The following ZHX3 variants were observed in gnomAD, a reference collection of about 807,000 sequenced individuals.
ZHX3 encodes zinc fingers and homeoboxes protein 3.
A neutral mutation model predicts 64.5 loss-of-function variants in ZHX3; 20 were observed. The observed-to-expected ratio is 0.31, with a 90% CI of 0.22 to 0.45. The LOEUF (loss-of-function observed/expected upper bound fraction) is 0.45. ZHX3 is among the 20% of genes least tolerant of loss of function. The probability of loss-of-function intolerance (pLI) is 1.00; values close to 1 mark genes in which losing one functional copy is unlikely to be tolerated. For synonymous variants in ZHX3, 423 were observed against 461.6 expected (o/e 0.92, Z 1.07); for missense variants, 1,041 against 1,195.8 (o/e 0.87, Z 1.91).
At chr20:41,222,810 T>C (rs2040030101) in intron 2 of ZHX3, among the ~76,000 whole-genome samples, 1 of 152,178 alleles carries the variant, frequency 6.6e-6, no homozygotes, top group South Asian at 2.1e-4. Context: ...ACATTTGTTT[T>C]GTTTTAATTG....
intron 1 of ZHX3, among the ~76,000 whole-genome samples, chr20:41,291,691 TAA>T (rs2044250869): frequency 6.6e-6 from 1 of 152,010 alleles, no homozygotes; most frequent in African/African-American, 2.4e-5. Flanking sequence ...CACACAGATA[TAA>T]GTTTATATAT....
intron 1 of ZHX3, among the ~76,000 whole-genome samples, chr20:41,277,662 G>A (rs112949678): frequency 8.0e-5 from 12 of 150,800 alleles, no homozygotes; most frequent in African/African-American, 1.2e-4. Context: ...TGTGATCTCC[G>A]CTCACTGCAA....
At chr20:41,231,173 C>T (rs2146384636) in intron 2 of ZHX3, among the ~76,000 whole-genome samples, 1 of 152,166 alleles carries the variant, frequency 6.6e-6, no homozygotes. Context: ...ATTTAATCTC[C>T]CCCCATTGCT....
intron 2 of ZHX3, among the ~76,000 whole-genome samples, chr20:41,264,249 A>T (rs2042710595): frequency 6.6e-6 from 1 of 151,678 alleles, no homozygotes; most frequent in African/African-American, 2.4e-5. Flanking sequence ...TCTCCACTAA[A>T]ATACAAAAAA....
In ZHX3 at chr20:41,184,898, T is replaced by C. The variant is rs1344127316; in HGVS notation, c.*293A>G. ...TGTTAAAAGCTTGATTCTGTGTCTA[T>C]GAATATGACTATGAACTCTGAACTA... On this transcript the variant is annotated 3_prime_UTR_variant, in exon 4 of 4. Transcript: ENST00000683867. The C allele has an allele frequency of 7.2e-6, 11 of 1,524,368 alleles. No homozygotes were observed. The highest frequency in any genetic ancestry group is 4.8e-5 in the South Asian group (4 of 83,062). 94.4% of individuals were successfully genotyped at this position (1,524,368 alleles called of 1,614,324 possible).
At chr20:41,196,150 G>C (rs2037465860) in intron 3 of ZHX3, among the ~76,000 whole-genome samples, 1 of 149,162 alleles carries the variant, frequency 6.7e-6, no homozygotes, top group Non-Finnish European at 1.5e-5. Flanking sequence ...TTGATCTTCT[G>C]TCTGGTTTCT....
intron 2 of ZHX3, among the ~76,000 whole-genome samples, chr20:41,222,319 A>G (rs1013249497): frequency 1.3e-5 from 2 of 152,244 alleles, no homozygotes; most frequent in African/African-American, 2.4e-5. Flanking sequence ...CTAGAAGGAT[A>G]GTGTTGCCAT....
rs553681084 is a variant in ZHX3, at chr20:41,212,375, G to A, written c.-150-7309C>T. The stretch of plus-strand genomic sequence containing the variant: ...CAAGATGGCTGTAATTACAGCGACA[G>A]ATAACAAGTATAGATGAGGATGCAG... On this transcript the variant is annotated intron_variant, in intron 2 of 3. Coordinates refer to ENST00000683867, the MANE Select transcript of ZHX3 (RefSeq NM_001384317.1). This position sits in a 1 kb window ranked among gnomAD's most constrained non-coding sequence, Gnocchi z 4.3. 5.3e-5 allele frequency among the ~76,000 whole-genome samples: 8 copies of A among 152,198 alleles called. No individual in the cohort carries two copies. The South Asian group carries it at 1.7e-3, about 32-fold the overall frequency.
Position 41,182,071 on chromosome 20 carries a change from T to C in ZHX3, c.*3120A>G, listed in dbSNP as rs1412161866. On this transcript the variant is annotated 3_prime_UTR_variant, in exon 4 of 4. Coordinates refer to ENST00000683867, the MANE Select transcript of ZHX3 (RefSeq NM_001384317.1). The surrounding 1 kb of genome is among the most constrained non-coding windows in gnomAD (Gnocchi z 6.1). ...CCAAAATAAAAAAGCTCCTTTATAG[T>C]CAAAAACGAAAACAAGTAATCAAAA... 1 of 152,176 alleles carries C rather than the reference T, an allele frequency of 6.6e-6. No individual in the cohort carries two copies. Among genetic ancestry groups the C allele is most frequent in the Non-Finnish European group, 1.5e-5 (1 of 68,032 alleles). The allele number at this position is 152,176 out of a possible 1,614,324, so 9.4% of individuals were successfully genotyped here.
At chr20:41,274,512 A>G (rs1039528791) in intron 1 of ZHX3, among the ~76,000 whole-genome samples, 2 of 152,182 alleles carry the variant, frequency 1.3e-5, no homozygotes, top group Non-Finnish European at 2.9e-5. Context: ...ATTTTTGGCT[A>G]AAGTCTGTGA....
chr20:41,210,246 G>T (rs1050597117), intron 2 of ZHX3, among the ~76,000 whole-genome samples: 50 of 152,324 alleles, frequency 3.3e-4, no homozygotes, highest in Middle Eastern at 3.4e-3. Context: ...TACACTGTTG[G>T]TGGGACTGTA....
In ZHX3 at chr20:41,269,060, T is replaced by G. The variant is rs1490499438; in HGVS notation, c.-221A>C. On this transcript the variant is annotated 5_prime_UTR_variant, in exon 2 of 4. Transcript: ENST00000683867. ...CAAGCATCTCTAAAAGGTCACATGT[T>G]GCTTCTGCAGTTGCATTTCAGTCCT... The G allele has an allele frequency of 1.3e-5, 2 of 152,238 alleles. No homozygotes were observed. Among genetic ancestry groups the G allele is most frequent in the African/African-American group, 2.4e-5 (1 of 41,466 alleles). 9.4% of individuals were successfully genotyped at this position (152,238 alleles called of 1,614,324 possible). A position where few individuals can be genotyped will look rare whatever the true frequency, so the allele number is the denominator to read the frequency against.
At chr20:41,276,734 G>T (rs1013918256) in intron 1 of ZHX3, among the ~76,000 whole-genome samples, 1 of 152,168 alleles carries the variant, frequency 6.6e-6, no homozygotes. Flanking sequence ...TAACTGCAGG[G>T]CAAGTGCTTG....
At chr20:41,285,653 G>A (rs1046217989) in intron 1 of ZHX3, among the ~76,000 whole-genome samples, 3 of 152,028 alleles carry the variant, frequency 2.0e-5, no homozygotes, top group Non-Finnish European at 2.9e-5. Context: ...AAACTGGGTA[G>A]AAGAAGGGAG....
In ZHX3 at chr20:41,183,618, T is replaced by G. The variant is rs900463053; in HGVS notation, c.*1573A>C. 1.3e-5 allele frequency: 2 copies of G among 152,208 alleles called. No individual in the cohort carries two copies. The highest frequency in any genetic ancestry group is 4.8e-5 in the African/African-American group (2 of 41,420). 9.4% of individuals were successfully genotyped at this position (152,208 alleles called of 1,614,324 possible). The stretch of plus-strand genomic sequence containing the variant: ...TGCTTCTTGCCCAAAGCCCTTGCCC[T>G]CTCTCTGGGGTCTTCTAGCACTGTC... On this transcript the variant is annotated 3_prime_UTR_variant, in exon 4 of 4. Coordinates refer to ENST00000683867, the MANE Select transcript of ZHX3 (RefSeq NM_001384317.1). This position sits in a 1 kb window ranked among gnomAD's most constrained non-coding sequence, Gnocchi z 5.3.
chr20:41,192,665 C>G (rs1196560048), intron 3 of ZHX3, among the ~76,000 whole-genome samples: 1 of 152,252 alleles, frequency 6.6e-6, no homozygotes, highest in Non-Finnish European at 1.5e-5. Flanking sequence ...CTGGGGAAAA[C>G]AGTCTGCAGT....
chr20:41,204,518 G>C lies in ZHX3; in HGVS notation c.399C>G (p.Ser133=), dbSNP rs138984369. 2 of 1,614,134 alleles carry C rather than the reference G, an allele frequency of 1.2e-6. No homozygotes were observed. The highest frequency in any genetic ancestry group is 2.2e-5 in the South Asian group (2 of 91,072). Residue 133 remains serine (S), a synonymous_variant, in exon 3 of 4, where the codon TCC becomes TCG. Coordinates refer to ENST00000683867, the MANE Select transcript of ZHX3 (RefSeq NM_001384317.1). The surrounding 1 kb of genome is among the most constrained non-coding windows in gnomAD (Gnocchi z 6.6). ...CGTTCCACACAAAGCTGGCTTCCCC[G>C]GAGTGACATGTGGCATTGTGCAAGG... ...GLSLHNATCH[S]GEASFVWNVA...
At chr20:41,292,850 C>T (rs905944066) in intron 1 of ZHX3, among the ~76,000 whole-genome samples, 1 of 152,210 alleles carries the variant, frequency 6.6e-6, no homozygotes, top group Non-Finnish European at 1.5e-5. Flanking sequence ...TATACACAAC[C>T]ACTTTATCAG....
At chr20:41,272,877 C>G (rs1033593921) in intron 1 of ZHX3, among the ~76,000 whole-genome samples, 9 of 152,072 alleles carry the variant, frequency 5.9e-5, no homozygotes, top group African/African-American at 2.2e-4. Context: ...TTTTCAATTA[C>G]TGGACATATA....
Sources: allele counts gnomAD v4.1 joint callset (sites outside exome capture counted in the v4.1 genomes callset), GRCh38; gene constraint gnomAD v4.1.1; non-coding constraint Gnocchi (gnomAD v3.1); transcripts MANE v1.5; gene names NCBI Gene and HGNC (gene_info 2026-07-23, HGNC 2026-07-21).